Variants in KIAA2012 observed in about 807,000 individuals in gnomAD.
The protein encoded by KIAA2012 is uncharacterized protein KIAA2012.
A neutral mutation model predicts 150.6 loss-of-function variants in KIAA2012; 125 were observed. The observed-to-expected ratio is 0.83, with a 90% CI of 0.72 to 0.96. KIAA2012 has a LOEUF of 0.96. Among genes scored for constraint, KIAA2012 ranks in the 40% least tolerant of loss-of-function variants. The pLI, the probability that KIAA2012 is intolerant of heterozygous loss-of-function variation, is 0.00. For missense variants in KIAA2012, 1,219 were observed against 1,354.9 expected, an observed-to-expected ratio of 0.90 and a Z score of 1.57; for synonymous variants, 462 against 504.7, an observed-to-expected ratio of 0.92 and a Z score of 1.13.
intron 15 of KIAA2012, among the ~76,000 whole-genome samples, chr2:202,182,696 G>A (rs1692144885): frequency 1.3e-5 from 2 of 152,174 alleles, no homozygotes; most frequent in South Asian, 4.1e-4. Flanking sequence ...GGGTAGGATA[G>A]TTGGATGGTA....
intron 12 of KIAA2012, among the ~76,000 whole-genome samples, chr2:202,131,327 G>A (rs1332408234): frequency 6.6e-6 from 1 of 152,196 alleles, no homozygotes; most frequent in Non-Finnish European, 1.5e-5. Flanking sequence ...TTTTAGTACA[G>A]ATGAGGTTTC....
chr2:202,175,996 T>C (rs898838878), intron 15 of KIAA2012, among the ~76,000 whole-genome samples: 9 of 152,224 alleles, frequency 5.9e-5, no homozygotes, highest in African/African-American at 2.2e-4. Flanking sequence ...TGATCTATTA[T>C]TCACTATATA....
At chr2:202,125,958 T>C in intron 12 of KIAA2012, 1 of 350,506 alleles carries the variant, frequency 2.9e-6, no homozygotes, top group Non-Finnish European at 5.3e-6. Flanking sequence ...TTTTTTTTTT[T>C]TTTTTTTTTT....
At chr2:202,092,957 C>A (rs752468664) in intron 3 of KIAA2012, 73 bp from the exon 4 acceptor site, 17 of 1,335,540 alleles carry the variant, frequency 1.3e-5, no homozygotes, top group African/African-American at 8.8e-5. Context: ...AAGTGAGGAA[C>A]CTTGTAGTTA....
Position 202,196,976 on chromosome 2 carries a change from C to G in KIAA2012, c.3364C>G (p.Leu1122Val). The G allele has an allele frequency of 6.4e-7, 1 of 1,550,636 alleles. No individual in the cohort carries two copies. Residue 1122 changes from leucine to valine, a missense_variant, in exon 22 of 24, where the codon CTG becomes GTG. Coordinates refer to ENST00000498697, the MANE Select transcript of KIAA2012 (RefSeq NM_001277372.4). Reference protein sequence around the residue: ...RRQKEEEAARLALEEATKQAQ... With the variant: ...RRQKEEEAARVALEEATKQAQ... Reference sequence around the variant, plus strand: ...GCAAAAAGAAGAGGAAGCAGCAAGACTGGCTCTGGAAGAAGCCACGAAACA... The same window carrying G: ...GCAAAAAGAAGAGGAAGCAGCAAGAGTGGCTCTGGAAGAAGCCACGAAACA...
At chr2:202,188,128 C>T (rs1325208592) in intron 17 of KIAA2012, 24 bp from the exon 18 acceptor site, 2 of 1,529,702 alleles carry the variant, frequency 1.3e-6, no homozygotes, top group African/African-American at 2.8e-5. Flanking sequence ...ATTATGGTCC[C>T]CTTCCTTGAT....
intron 22 of KIAA2012, chr2:202,201,900 C>A (rs902853661): frequency 9.9e-6 from 10 of 1,010,470 alleles, no homozygotes; most frequent in African/African-American, 1.6e-5. Flanking sequence ...GGCTGCAGGT[C>A]CGGTTCGTCT....
At chr2:202,191,663 T>C (rs1338860850) in intron 19 of KIAA2012, among the ~76,000 whole-genome samples, 1 of 152,242 alleles carries the variant, frequency 6.6e-6, no homozygotes, top group Admixed American at 6.5e-5. Context: ...ATCTTTCCTC[T>C]GCTGTTGGAA....
chr2:202,092,885 T>C, intron 3 of KIAA2012, 145 bp from the exon 4 acceptor site: 1 of 682,212 alleles, frequency 1.5e-6, no homozygotes, highest in Non-Finnish European at 2.4e-6. Context: ...TCTGACTTTT[T>C]AATCTCCCTC....
rs1313566534 is a variant in KIAA2012 at position 202,196,816 on chromosome 2, G to C, written c.3204G>C (p.Arg1068Ser). The change falls in exon 22 of 24, where the codon AGG becomes AGC. Residue 1068 changes from arginine to serine, a missense_variant. Physicochemically the swap from Arg to Ser is moderately radical, Grantham distance 110. Coordinates refer to ENST00000498697, the MANE Select transcript of KIAA2012 (RefSeq NM_001277372.4). ...ATTCTGCAGAGGCAGAGAAGCAAAGGCAAGAGGAATTGGAAATGCAGTTAG... is the reference window on the plus strand; with the variant it reads ...ATTCTGCAGAGGCAGAGAAGCAAAGCCAAGAGGAATTGGAAATGCAGTTAG... ...EAERAEAEKQ[R>S]QEELEMQLEE... The C allele has an allele frequency of 1.3e-6, 2 of 1,550,428 alleles. No homozygotes were observed. Among genetic ancestry groups the C allele is most frequent in the South Asian group, 2.4e-5 (2 of 84,060 alleles).
In KIAA2012 at chr2:202,100,303, A is replaced by T; in HGVS notation, c.1013-4A>T. On this transcript the variant is annotated splice_region_variant and splice_polypyrimidine_tract_variant and intron_variant, in intron 6 of 23. Transcript: ENST00000498697. ...ATATTCTCATTCTCATCCTGTTTTTAAAGATAAACAAAGGAACGTGAAACT... is the reference window on the plus strand; with the variant it reads ...ATATTCTCATTCTCATCCTGTTTTTTAAGATAAACAAAGGAACGTGAAACT... 1 of 1,549,086 alleles carries T rather than the reference A, an allele frequency of 6.5e-7. No homozygotes were observed. Among genetic ancestry groups the T allele is most frequent in the East Asian group, 2.4e-5 (1 of 40,898 alleles).
intron 19 of KIAA2012, among the ~76,000 whole-genome samples, chr2:202,192,794 C>T (rs890773340): frequency 6.6e-6 from 1 of 152,080 alleles, no homozygotes; most frequent in African/African-American, 2.4e-5. Flanking sequence ...TGCTTTGCCA[C>T]CCAGGAGTGC....
intron 9 of KIAA2012, among the ~76,000 whole-genome samples, chr2:202,108,175 A>C (rs894473717): frequency 4.6e-5 from 7 of 152,196 alleles, no homozygotes; most frequent in African/African-American, 1.7e-4. Context: ...TTCACCTCTA[A>C]TACCACAGAA....
intron 6 of KIAA2012, 77 bp downstream of exon 6, chr2:202,099,873 G>A (rs1689998545): frequency 1.6e-6 from 2 of 1,239,020 alleles, no homozygotes; most frequent in Non-Finnish European, 2.2e-6. Flanking sequence ...ACTGAGGCAT[G>A]CCAAACATCA....
chr2:202,139,722 T>C (rs1273088810), intron 13 of KIAA2012, among the ~76,000 whole-genome samples: 1 of 152,180 alleles, frequency 6.6e-6, no homozygotes, highest in Non-Finnish European at 1.5e-5. Flanking sequence ...AACCAACATT[T>C]GCATATTTTA....
intron 7 of KIAA2012, among the ~76,000 whole-genome samples, chr2:202,102,306 A>G (rs935137324): frequency 1.3e-5 from 2 of 152,176 alleles, no homozygotes; most frequent in Non-Finnish European, 2.9e-5. Flanking sequence ...AAAAACTTCA[A>G]TTTTTCTGCT....
At chr2:202,080,208 A>G (rs770013721) in intron 2 of KIAA2012, among the ~76,000 whole-genome samples, 30 of 152,222 alleles carry the variant, frequency 2.0e-4, no homozygotes, top group Non-Finnish European at 3.5e-4. Flanking sequence ...AGTGGATCTG[A>G]GTCTTTCAAC....
At chr2:202,192,634 T>G (rs1692343773) in intron 19 of KIAA2012, among the ~76,000 whole-genome samples, 1 of 152,090 alleles carries the variant, frequency 6.6e-6, no homozygotes, top group South Asian at 2.1e-4. Context: ...ATTTTGTATT[T>G]TTAGTAGAGA....
At chr2:202,092,716 C>T (rs1335323728) in intron 3 of KIAA2012, among the ~76,000 whole-genome samples, 1 of 152,106 alleles carries the variant, frequency 6.6e-6, no homozygotes, top group Non-Finnish European at 1.5e-5. Flanking sequence ...ACTGGATCTC[C>T]TCCTGAGGCA....
Sources: allele counts gnomAD v4.1 joint callset (sites outside exome capture counted in the v4.1 genomes callset), GRCh38; gene constraint gnomAD v4.1.1; transcripts MANE v1.5; gene names NCBI Gene and HGNC (gene_info 2026-07-23, HGNC 2026-07-21).